The following DCAF8L2 variants were observed in gnomAD, a reference collection of about 807,000 sequenced individuals.
DCAF8L2 encodes the protein DDB1- and CUL4-associated factor 8-like protein 2.
For synonymous variants in DCAF8L2, 200 were observed against 190.9 expected, an observed-to-expected ratio of 1.05 and a Z score of -0.39; for missense variants, 430 against 490.7, an observed-to-expected ratio of 0.88 and a Z score of 1.17.
chrX:27,539,066 C>T, the DCAF8L2 span, among the ~76,000 whole-genome samples: 1 of 111,154 alleles, frequency 9.0e-6, no homozygotes, highest in Non-Finnish European at 1.9e-5. Flanking sequence ...CCAGGCTAGT[C>T]TTGAACTCCT....
chrX:27,672,403 C>T (rs187073384), intron 2 of DCAF8L2, among the ~76,000 whole-genome samples: 2 of 111,911 alleles, frequency 1.8e-5, no homozygotes, highest in East Asian at 5.7e-4. Context: ...ACAACATTTG[C>T]CAAGCATACC....
At chrX:27,546,951 T>C in the DCAF8L2 span, among the ~76,000 whole-genome samples, 1 of 112,759 alleles carries the variant, frequency 8.9e-6, no homozygotes, top group Non-Finnish European at 1.9e-5. Flanking sequence ...TCTTTACTTA[T>C]GAAAATTTCT....
chrX:27,521,270 A>C, the DCAF8L2 span, among the ~76,000 whole-genome samples: 11 of 112,359 alleles, frequency 9.8e-5, no homozygotes, highest in African/African-American at 3.2e-4. Flanking sequence ...CTTTCAAAAA[A>C]CATCTTCTAA....
intron 4 of DCAF8L2, among the ~76,000 whole-genome samples, chrX:27,728,711 A>G (rs939688650): frequency 3.6e-5 from 4 of 112,066 alleles, no homozygotes; most frequent in South Asian, 3.7e-4. Context: ...ATACATAGGT[A>G]TATCTCCATG....
At chrX:27,545,368 C>T in the DCAF8L2 span, among the ~76,000 whole-genome samples, 6 of 111,835 alleles carry the variant, frequency 5.4e-5, no homozygotes, top group Admixed American at 4.8e-4. Flanking sequence ...AAGGCAATCT[C>T]GACAACAAAA....
the DCAF8L2 span, among the ~76,000 whole-genome samples, chrX:27,472,418 T>TG: frequency 8.9e-6 from 1 of 111,967 alleles, no homozygotes; most frequent in Non-Finnish European, 1.9e-5. Context: ...CTGGGATACA[T>TG]GTGCAGAACT....
At chrX:27,578,521 A>G in the DCAF8L2 span, among the ~76,000 whole-genome samples, 1 of 112,188 alleles carries the variant, frequency 8.9e-6, no homozygotes, top group Non-Finnish European at 1.9e-5. Flanking sequence ...AGAAAATATC[A>G]AAAGCAATTG....
At chrX:27,623,608 C>T (rs1182690292) in intron 1 of DCAF8L2, among the ~76,000 whole-genome samples, 1 of 109,978 alleles carries the variant, frequency 9.1e-6, no homozygotes, top group East Asian at 2.8e-4. Context: ...CTACTTACTG[C>T]CTACAAAAAA....
the DCAF8L2 span, among the ~76,000 whole-genome samples, chrX:27,545,832 G>A: frequency 4.5e-5 from 5 of 111,820 alleles, no homozygotes; most frequent in South Asian, 3.7e-4. Flanking sequence ...GAGAGAGCAC[G>A]TGAGAGTGCA....
the DCAF8L2 span, among the ~76,000 whole-genome samples, chrX:27,580,563 A>G: frequency 9.0e-6 from 1 of 111,272 alleles, no homozygotes; most frequent in South Asian, 3.8e-4. Flanking sequence ...CCTAGGGGCC[A>G]GATTATCCCG....
At chrX:27,500,039 C>T in the DCAF8L2 span, among the ~76,000 whole-genome samples, 1 of 111,733 alleles carries the variant, frequency 8.9e-6, no homozygotes, top group Admixed American at 9.5e-5. Context: ...GAAATCTTGG[C>T]AAATCCAATT....
At chrX:27,584,595 C>T in the DCAF8L2 span, among the ~76,000 whole-genome samples, 11 of 110,923 alleles carry the variant, frequency 9.9e-5, no homozygotes, top group Non-Finnish European at 1.7e-4. Context: ...TTGCACTACA[C>T]TAGTAATCTT....
chrX:27,552,567 G>C, the DCAF8L2 span, among the ~76,000 whole-genome samples: 1 of 111,828 alleles, frequency 8.9e-6, no homozygotes, highest in Admixed American at 9.5e-5. Context: ...TTTCCCCAAT[G>C]TGTTCTCTTG....
At chrX:27,483,594 G>A in the DCAF8L2 span, among the ~76,000 whole-genome samples, 2 of 110,924 alleles carry the variant, frequency 1.8e-5, no homozygotes, top group African/African-American at 3.3e-5. Flanking sequence ...GTTTACTTAG[G>A]TTTAAAGCTT....
chrX:27,584,694 G>T, the DCAF8L2 span, among the ~76,000 whole-genome samples: 1 of 111,670 alleles, frequency 9.0e-6, no homozygotes, highest in South Asian at 3.7e-4. Context: ...ATGTAAGGAA[G>T]TTAAATACAC....
At position 27,689,008 on chromosome X, in the gene DCAF8L2, T is replaced by A. The variant is rs754660392; in HGVS notation, c.-143+11096T>A. On this transcript the variant is annotated intron_variant, in intron 3 of 4. Coordinates refer to ENST00000451261, the MANE Select transcript of DCAF8L2 (RefSeq NM_001353450.2). ...GTTTTCCCTAATGTGTTCAGTTTATTCCTGGCATCAGAGGCCCCAGACTGA... is the reference window on the plus strand; with the variant it reads ...GTTTTCCCTAATGTGTTCAGTTTATACCTGGCATCAGAGGCCCCAGACTGA... Among the ~76,000 whole-genome samples, 17 of 111,916 alleles carry A rather than the reference T, an allele frequency of 1.5e-4. 1 individual carries two copies. The highest frequency in any genetic ancestry group is 3.2e-4 in the Non-Finnish European group (17 of 53,219).
chrX:27,676,034 T>G (rs1032841221), intron 2 of DCAF8L2, among the ~76,000 whole-genome samples: 3 of 111,911 alleles, frequency 2.7e-5, no homozygotes, highest in African/African-American at 9.7e-5. Context: ...AAAACAAAAT[T>G]TTAGTCCTGC....
chrX:27,627,479 C>T (rs1480412803), intron 1 of DCAF8L2: 1 of 110,066 alleles, frequency 9.1e-6, no homozygotes, highest in Non-Finnish European at 1.9e-5. Flanking sequence ...TATTCAACAC[C>T]TCCCAAAGTT....
chrX:27,603,252 A>G (rs188954280), intron 1 of DCAF8L2, among the ~76,000 whole-genome samples: 1 of 111,456 alleles, frequency 9.0e-6, no homozygotes, highest in East Asian at 2.8e-4. Context: ...TATTGGAGTG[A>G]TTGCTTTCTG....
Sources: gnomAD v4.1 joint callset for allele counts (sites outside exome capture counted in the v4.1 genomes callset) on GRCh38, gnomAD v4.1.1 for gene constraint, MANE v1.5 for transcripts, NCBI Gene and HGNC (gene_info 2026-07-23, HGNC 2026-07-21) for gene names.